Variants in NECTIN4 observed in about 807,000 individuals in gnomAD.
The protein encoded by NECTIN4 is nectin-4.
In NECTIN4, 19 loss-of-function variants were observed where a neutral mutation model predicts 51.7. The ratio of observed to expected loss-of-function variants is 0.37; its 90% CI spans 0.26 to 0.54. The LOEUF (loss-of-function observed/expected upper bound fraction) is 0.54, where lower values mean the gene tolerates loss of function less well. NECTIN4 is among the 20% of genes least tolerant of loss of function. NECTIN4 has a pLI of 0.86. For synonymous variants in NECTIN4, 283 were observed against 286.9 expected (o/e 0.99, Z 0.14); for missense variants, 619 against 662.4 (o/e 0.93, Z 0.72).
chr1:161,073,231 A>G lies in NECTIN4; in HGVS notation c.1302T>C (p.Ser434=). Residue 434 remains serine, a synonymous_variant, in exon 8 of 9, where the codon TCT becomes TCC. Coordinates refer to ENST00000368012, the MANE Select transcript of NECTIN4 (RefSeq NM_030916.3). ...PDSLKDNSSC[S]VMSEEPEGRS... is the part of the protein sequence containing the mutation. ...GTGGGGCCGGGGGCCTCACCATCAC[A>G]GAGCAGCTACTGTTGTCCTTGAGAC... is the stretch of plus-strand genomic sequence containing the variant. The G allele has an allele frequency of 6.2e-7, 1 of 1,614,040 alleles. No individual in the cohort carries two copies. The highest frequency in any genetic ancestry group is 8.5e-7 in the Non-Finnish European group (1 of 1,179,918).
Position 161,089,540 on chromosome 1 carries a change from T to G in NECTIN4, c.-244A>C, listed in dbSNP as rs1654106384. 2 of 554,102 alleles carry G rather than the reference T, an allele frequency of 3.6e-6. No homozygotes were observed. 34.3% of individuals were successfully genotyped at this position (554,102 alleles called of 1,614,324 possible). A position where few individuals can be genotyped will look rare whatever the true frequency, so the allele number is the denominator to read the frequency against. On this transcript the variant is annotated 5_prime_UTR_variant, in exon 1 of 9. Coordinates refer to ENST00000368012, the MANE Select transcript of NECTIN4 (RefSeq NM_030916.3). This position sits in a 1 kb window ranked among gnomAD's most constrained non-coding sequence, Gnocchi z 4.1. Reference sequence around the variant, plus strand: ...GCTCCCCCAGAGCTGCTTCCCACGCTGTGGCCAACAACGACGGCAGAAACC... The same window carrying G: ...GCTCCCCCAGAGCTGCTTCCCACGCGGTGGCCAACAACGACGGCAGAAACC...
chr1:161,072,687 T>C lies in NECTIN4; in HGVS notation c.1507A>G (p.Ile503Val). Reference protein sequence around the residue: ...RAKPTGNGIYINGRGHLV With the variant: ...RAKPTGNGIYVNGRGHLV ...CAGACCAGGTGTCCCCGCCCATTGA[T>C]GTAGATGCCATTGCCCGTGGGCTTG... The change falls in exon 9 of 9, where the codon ATC becomes GTC. Residue 503 changes from isoleucine to valine, a missense_variant. Ile to Val is a conservative substitution (Grantham distance 29, BLOSUM62 3). This residue lies in a region of NECTIN4 where 364 missense variants were observed against 415.7 expected (regional missense o/e 0.88). Coordinates refer to ENST00000368012, the MANE Select transcript of NECTIN4 (RefSeq NM_030916.3). 6.2e-7 allele frequency: 1 copy of C among 1,614,120 alleles called. No homozygotes were observed. Among genetic ancestry groups the C allele is most frequent in the South Asian group, 1.1e-5 (1 of 91,078 alleles).
intron 1 of NECTIN4, among the ~76,000 whole-genome samples, chr1:161,088,321 A>G (rs565631183): frequency 6.6e-6 from 1 of 152,170 alleles, no homozygotes; most frequent in East Asian, 1.9e-4. Flanking sequence ...AAGGAGAAAT[A>G]TTTCTGTTAC....
intron 1 of NECTIN4, among the ~76,000 whole-genome samples, chr1:161,084,171 AT>A (rs1653821759): frequency 6.6e-6 from 1 of 152,200 alleles, no homozygotes; most frequent in South Asian, 2.1e-4. Context: ...ATCTTCTTGC[AT>A]AAACTGGTGG....
At chr1:161,073,157 C>A (rs1412239594) in intron 8 of NECTIN4, 68 bp downstream of exon 8, 4 of 1,402,296 alleles carry the variant, frequency 2.9e-6, no homozygotes, top group Non-Finnish European at 4.0e-6. Context: ...TGCTGACGCA[C>A]CATATCTGGG....
At chr1:161,076,533 C>T in intron 3 of NECTIN4, 58 bp from the exon 4 acceptor site, 1 of 1,606,136 alleles carries the variant, frequency 6.2e-7, no homozygotes, top group African/African-American at 1.3e-5. Context: ...CATGTGGTAC[C>T]TCAAAGGGCC....
At chr1:161,073,549 A>G (rs1434450708) in intron 7 of NECTIN4, among the ~76,000 whole-genome samples, 171 bp downstream of exon 7, 1 of 152,230 alleles carries the variant, frequency 6.6e-6, no homozygotes, top group African/African-American at 2.4e-5. Flanking sequence ...GAGCAGCCCT[A>G]GCAGACCCAA....
chr1:161,073,176 A>C, intron 8 of NECTIN4, 49 bp downstream of exon 8: 4 of 1,511,368 alleles, frequency 2.6e-6, no homozygotes, highest in Non-Finnish European at 3.7e-6. Flanking sequence ...GGACCAGGAC[A>C]GGGGCCCGAG....
intron 8 of NECTIN4, 28 bp downstream of exon 8, chr1:161,073,197 G>A (rs373166903): frequency 1.4e-5 from 22 of 1,599,568 alleles, no homozygotes; most frequent in Admixed American, 1.3e-4. Context: ...GAGAGTGGTG[G>A]GGACACCGGT....
chr1:161,078,814 A>G (rs1306998506), intron 2 of NECTIN4, among the ~76,000 whole-genome samples: 1 of 151,908 alleles, frequency 6.6e-6, no homozygotes, highest in Non-Finnish European at 1.5e-5. Flanking sequence ...GATCGAGACC[A>G]TCCTGGCTAA....
At chr1:161,080,870 A>C (rs1653651158) in intron 1 of NECTIN4, among the ~76,000 whole-genome samples, 1 of 152,212 alleles carries the variant, frequency 6.6e-6, no homozygotes, top group South Asian at 2.1e-4. Context: ...TCTGCTCAGG[A>C]GCAAGAGATA....
At position 161,072,328 on chromosome 1, in the gene NECTIN4, C is replaced by T. The variant is rs1653203126; in HGVS notation, c.*333G>A. The T allele has an allele frequency of 4.6e-6, 2 of 431,832 alleles. No individual in the cohort carries two copies. The highest frequency in any genetic ancestry group is 4.0e-5 in the African/African-American group (2 of 49,840). 26.8% of individuals were successfully genotyped at this position (431,832 alleles called of 1,614,324 possible). A position where few individuals can be genotyped will look rare whatever the true frequency, so the allele number is the denominator to read the frequency against. ...CCACTCAAATCCCGTGGCACATACACCACAGTTCACTTGACTCTGATATGA... is the reference window on the plus strand; with the variant it reads ...CCACTCAAATCCCGTGGCACATACATCACAGTTCACTTGACTCTGATATGA... On this transcript the variant is annotated 3_prime_UTR_variant, in exon 9 of 9. Coordinates refer to ENST00000368012, the MANE Select transcript of NECTIN4 (RefSeq NM_030916.3).
intron 4 of NECTIN4, among the ~76,000 whole-genome samples, chr1:161,075,228 G>A (rs768598564): frequency 5.3e-5 from 8 of 152,168 alleles, no homozygotes; most frequent in Non-Finnish European, 8.8e-5. Context: ...CCCATGATGT[G>A]CTCACACACA....
At chr1:161,073,196 G>A in intron 8 of NECTIN4, 29 bp downstream of exon 8, 1 of 1,599,094 alleles carries the variant, frequency 6.3e-7, no homozygotes, top group Non-Finnish European at 8.6e-7. Flanking sequence ...GGAGAGTGGT[G>A]GGGACACCGG....
intron 1 of NECTIN4, among the ~76,000 whole-genome samples, chr1:161,081,583 T>C (rs1279678869): frequency 2.6e-5 from 4 of 152,120 alleles, no homozygotes; most frequent in Admixed American, 2.6e-4. Flanking sequence ...CAAAGGAACA[T>C]GCTGGGATGG....
At position 161,071,953 on chromosome 1, in the gene NECTIN4, G is replaced by A. The variant is rs1200944819; in HGVS notation, c.*708C>T. 1.3e-5 allele frequency: 2 copies of A among 152,082 alleles called. No homozygotes were observed. Among genetic ancestry groups the A allele is most frequent in the African/African-American group, 2.4e-5 (1 of 41,380 alleles). The allele number at this position is 152,082 out of a possible 1,614,324, so 9.4% of individuals were successfully genotyped here. A position where few individuals can be genotyped will look rare whatever the true frequency, so the allele number is the denominator to read the frequency against. The stretch of plus-strand genomic sequence containing the variant: ...AGCAGTATTCCTGCAAGAAGCTCCC[G>A]GCGCATGTATATTTACAGAAAATAT... On this transcript the variant is annotated 3_prime_UTR_variant, in exon 9 of 9. Transcript: ENST00000368012.
intron 3 of NECTIN4, 112 bp downstream of exon 3, chr1:161,077,341 A>C: frequency 1.0e-6 from 1 of 980,360 alleles, no homozygotes; most frequent in Non-Finnish European, 1.6e-6. Context: ...CATACTATAT[A>C]TAGCCTCCAG....
rs371860245 is a variant in NECTIN4, at chr1:161,077,573, C to T, written c.610G>A (p.Val204Ile). ...RSFKHSRSAA[V>I]TSEFHLVPSR... Reference sequence around the variant, plus strand: ...GGCACCAAGTGGAACTCTGAGGTGACGGCAGCAGAGCGGGAGTGCTTGAAG... The same window carrying T: ...GGCACCAAGTGGAACTCTGAGGTGATGGCAGCAGAGCGGGAGTGCTTGAAG... Residue 204 changes from valine to isoleucine, a missense_variant, in exon 3 of 9, where the codon GTC (valine) becomes ATC (isoleucine). Physicochemically the swap from Val to Ile is conservative, Grantham distance 29 (BLOSUM62 3). Around this residue, in one of 3 missense-constraint regions of NECTIN4, gnomAD observed 364 missense variants for 415.7 expected, o/e 0.88. Coordinates refer to ENST00000368012, the MANE Select transcript of NECTIN4 (RefSeq NM_030916.3). 36 of 1,613,822 alleles carry T rather than the reference C, an allele frequency of 2.2e-5. No individual in the cohort carries two copies. In the East Asian group the frequency reaches 3.6e-4, roughly 16 times the overall value.
chr1:161,086,395 A>G (rs1194896232), intron 1 of NECTIN4, among the ~76,000 whole-genome samples: 1 of 152,120 alleles, frequency 6.6e-6, no homozygotes, highest in Non-Finnish European at 1.5e-5. Flanking sequence ...TAGGTCCTAC[A>G]GGAAAGGGCC....
Sources: gnomAD v4.1 joint callset for allele counts (sites outside exome capture counted in the v4.1 genomes callset) on GRCh38, gnomAD v4.1.1 for gene constraint, gnomAD v4.1.1 regional missense constraint, Gnocchi (gnomAD v3.1) non-coding constraint, MANE v1.5 for transcripts, NCBI Gene and HGNC (gene_info 2026-07-23, HGNC 2026-07-21) for gene names.